Variants in CASD1 observed in about 807,000 individuals in gnomAD.
CASD1 encodes N-acetylneuraminate (7)9-O-acetyltransferase.
A neutral mutation model predicts 100.0 loss-of-function variants in CASD1; 41 were observed. The observed-to-expected ratio is 0.41, with a 90% confidence interval of 0.32 to 0.53. The LOEUF (loss-of-function observed/expected upper bound fraction) is 0.53. Among genes scored for constraint, CASD1 ranks in the 20% least tolerant of loss-of-function variants. CASD1 has a pLI of 0.25. For synonymous variants in CASD1, 321 were observed against 315.6 expected, an observed-to-expected ratio of 1.02 and a Z score of -0.18; for missense variants, 774 against 948.7, an observed-to-expected ratio of 0.82 and a Z score of 2.42.
chr7:94,560,115 T>C (rs559003127), downstream of CASD1, among the ~76,000 whole-genome samples: 4 of 152,338 alleles, frequency 2.6e-5, no homozygotes, highest in Non-Finnish European at 2.9e-5. Flanking sequence ...TTAGTATTTG[T>C]TTTGTTTTTA....
At chr7:94,593,174 T>G in the CASD1 span, among the ~76,000 whole-genome samples, 29 of 152,260 alleles carry the variant, frequency 1.9e-4, no homozygotes, top group East Asian at 3.7e-3. Context: ...CTGTCTTCAA[T>G]TAGAAGACTT....
At position 94,547,121 on chromosome 7, in the gene CASD1, AC is replaced by A. The variant is rs1433926618; in HGVS notation, c.1660del (p.Leu554CysfsTer2). The A allele has an allele frequency of 1.1e-5, 18 of 1,593,336 alleles. No homozygotes were observed. Among genetic ancestry groups the A allele is most frequent in the Non-Finnish European group, 1.5e-5 (18 of 1,169,470 alleles). ...NGNCFWHFGLLLKLGFLLLFI... is the reference protein window; with the variant it reads ...NGNCFWHFGLXLKLGFLLLFI... ...GAAATTGTTTCTGGCATTTTGGCTTACTGTTGAAACTAGGCTTTTTGCTGTT... is the reference window on the plus strand; with the variant it reads ...GAAATTGTTTCTGGCATTTTGGCTTATGTTGAAACTAGGCTTTTTGCTGTT... On this transcript the variant is annotated frameshift_variant, in exon 13 of 18. Coordinates refer to ENST00000297273, the MANE Select transcript of CASD1 (RefSeq NM_022900.5). LOFTEE classifies it high-confidence loss of function.
At chr7:94,538,761 A>C (rs1795240346) in intron 9 of CASD1, among the ~76,000 whole-genome samples, 2 of 152,176 alleles carry the variant, frequency 1.3e-5, no homozygotes, top group Admixed American at 1.3e-4. Flanking sequence ...TATATTTTTC[A>C]GATTCATATT....
chr7:94,510,137 G>C lies in CASD1; in HGVS notation c.53G>C (p.Ser18Thr), dbSNP rs1287757590. 1 of 1,530,038 alleles carries C rather than the reference G, an allele frequency of 6.5e-7. No individual in the cohort carries two copies. Among genetic ancestry groups the C allele is most frequent in the Non-Finnish European group, 8.8e-7 (1 of 1,137,294 alleles). The allele number at this position is 1,530,038 out of a possible 1,614,324, so 94.8% of individuals were successfully genotyped here. ...AAGCGGGAGATCAACCACTACTTCA[G>C]CGTGAGGAGCGCCAAGGTGCTGGCG... The part of the protein sequence containing the change: ...LGKREINHYF[S>T]VRSAKVLALV... The change falls in exon 1 of 18, where the codon AGC becomes ACC. Residue 18 changes from serine to threonine, a missense_variant. Ser to Thr is a moderately conservative substitution (Grantham distance 58). Around this residue, in one of 5 missense-constraint regions of CASD1, gnomAD observed 75 missense variants for 60.9 expected, o/e 1.23. Transcript: ENST00000297273.
rs538976325 is a variant in CASD1 at position 94,527,306 on chromosome 7, G to A, written c.396+100G>A. The A allele has an allele frequency of 5.4e-4, 476 of 875,568 alleles. 7 individuals are homozygous for A. The South Asian group carries it at 7.7e-3, about 14-fold the overall frequency. 54.2% of individuals were successfully genotyped at this position (875,568 alleles called of 1,614,324 possible). A position where few individuals can be genotyped will look rare whatever the true frequency, so the allele number is the denominator to read the frequency against. The stretch of plus-strand genomic sequence containing the variant: ...ATATTTCAATGTATTCTTGAGAGTA[G>A]ATAAGAATATTAGGATAGTGGAATA... On this transcript the variant is annotated intron_variant, in intron 4 of 17. Coordinates refer to ENST00000297273, the MANE Select transcript of CASD1 (RefSeq NM_022900.5).
the CASD1 span, chr7:94,586,956 C>CTG: frequency 0.03 from 29,636 of 984,046 alleles, 6,355 homozygotes; most frequent in African/African-American, 0.47. Context: ...AGAGGAGATA[C>CTG]TGTACTTTAG....
the CASD1 span, among the ~76,000 whole-genome samples, chr7:94,562,179 T>C: frequency 6.6e-6 from 1 of 152,214 alleles, no homozygotes. Flanking sequence ...TGTTTGCCGA[T>C]AAGAAGCAAG....
the CASD1 span, among the ~76,000 whole-genome samples, chr7:94,590,279 TA>T: frequency 6.6e-6 from 1 of 152,094 alleles, no homozygotes; most frequent in East Asian, 1.9e-4. Flanking sequence ...TATTTTTAAT[TA>T]AAAAAATCTC....
At chr7:94,570,875 C>T in the CASD1 span, among the ~76,000 whole-genome samples, 1 of 152,044 alleles carries the variant, frequency 6.6e-6, no homozygotes, top group Non-Finnish European at 1.5e-5. Flanking sequence ...TTTTTATTTG[C>T]TGATGTATTT....
the CASD1 span, among the ~76,000 whole-genome samples, chr7:94,573,635 T>A: frequency 6.6e-6 from 1 of 152,178 alleles, no homozygotes. Context: ...GGGCTGAGAC[T>A]ATTGGGTTTT....
the CASD1 span, among the ~76,000 whole-genome samples, chr7:94,609,091 C>A: frequency 4.6e-5 from 7 of 152,292 alleles, no homozygotes; most frequent in East Asian, 9.6e-4. Flanking sequence ...TTAAAAATTT[C>A]TCTTCTGCAA....
At chr7:94,611,536 G>T in the CASD1 span, among the ~76,000 whole-genome samples, 1 of 152,202 alleles carries the variant, frequency 6.6e-6, no homozygotes, top group Admixed American at 6.5e-5. Context: ...GGTGTGTGGT[G>T]TTGGGATAAT....
At chr7:94,584,386 C>A in the CASD1 span, among the ~76,000 whole-genome samples, 4 of 152,166 alleles carry the variant, frequency 2.6e-5, no homozygotes, top group South Asian at 8.3e-4. Context: ...TGGAGAACAG[C>A]AAGTGGCAAT....
the CASD1 span, chr7:94,587,072 A>G: frequency 7.1e-6 from 7 of 984,942 alleles, no homozygotes; most frequent in Non-Finnish European, 8.4e-6. Flanking sequence ...CAAGCAAAAT[A>G]CCTGCTCCCT....
At chr7:94,576,084 C>T in the CASD1 span, among the ~76,000 whole-genome samples, 1 of 152,178 alleles carries the variant, frequency 6.6e-6, no homozygotes, top group Non-Finnish European at 1.5e-5. Flanking sequence ...CTTGCTCTCT[C>T]TCTCTTCTCC....
intron 17 of CASD1, 44 bp from the exon 18 acceptor site, chr7:94,555,448 A>G: frequency 6.4e-7 from 1 of 1,571,116 alleles, no homozygotes; most frequent in Non-Finnish European, 8.7e-7. Context: ...TAATTTATTC[A>G]TGGACCCTCT....
At chr7:94,588,842 G>C in the CASD1 span, 1 of 1,194,044 alleles carries the variant, frequency 8.4e-7, no homozygotes, top group South Asian at 1.2e-5. Flanking sequence ...CCCCAGTCAT[G>C]TAATCCAGCA....
rs1054272292 is a variant in CASD1 at position 94,552,335 on chromosome 7, C to T, written c.1957-15C>T. ...ACTTGCTTTTTTGAACTTTTCCATACATTTTTTGTTTTAGACCTATTCCAT... is the reference window on the plus strand; with the variant it reads ...ACTTGCTTTTTTGAACTTTTCCATATATTTTTTGTTTTAGACCTATTCCAT... On this transcript the variant is annotated splice_polypyrimidine_tract_variant and intron_variant, in intron 15 of 17. Transcript: ENST00000297273. 1 of 1,596,890 alleles carries T rather than the reference C, an allele frequency of 6.3e-7. No individual in the cohort carries two copies. The highest frequency in any genetic ancestry group is 8.5e-7 in the Non-Finnish European group (1 of 1,171,140).
rs373646230 is a variant in CASD1, at chr7:94,552,331, C to T, written c.1957-19C>T. Reference sequence around the variant, plus strand: ...CCAGACTTGCTTTTTTGAACTTTTCCATACATTTTTTGTTTTAGACCTATT... The same window carrying T: ...CCAGACTTGCTTTTTTGAACTTTTCTATACATTTTTTGTTTTAGACCTATT... On this transcript the variant is annotated intron_variant, in intron 15 of 17. Transcript: ENST00000297273. 1.5e-5 allele frequency: 24 copies of T among 1,592,212 alleles called. No homozygotes were observed. Among genetic ancestry groups the T allele is most frequent in the Non-Finnish European group, 2.0e-5 (23 of 1,168,138 alleles).
Sources: allele counts gnomAD v4.1 joint callset (sites outside exome capture counted in the v4.1 genomes callset), GRCh38; gene constraint gnomAD v4.1.1; regional missense constraint gnomAD v4.1.1; transcripts MANE v1.5; gene names NCBI Gene and HGNC (gene_info 2026-07-23, HGNC 2026-07-21).